The following MTFR1 variants were observed in gnomAD, a reference collection of about 807,000 sequenced individuals.
MTFR1 encodes chondrocyte protein with a poly-proline region.
In MTFR1, 28 loss-of-function variants were observed where a neutral mutation model predicts 38.8. The ratio of observed to expected loss-of-function variants is 0.72; its 90% CI spans 0.53 to 0.99. The LOEUF (loss-of-function observed/expected upper bound fraction) is 0.99, where lower values mean the gene tolerates loss of function less well. Among genes scored for constraint, MTFR1 ranks in the 50% least tolerant of loss-of-function variants. The pLI is 0.00. For missense variants in MTFR1, 358 were observed against 395.5 expected, an observed-to-expected ratio of 0.91 and a Z score of 0.81; for synonymous variants, 145 against 137.0, an observed-to-expected ratio of 1.06 and a Z score of -0.41.
At chr8:65,769,953 C>T (rs947010607) in intron 3 of MTFR1, among the ~76,000 whole-genome samples, 9 of 151,752 alleles carry the variant, frequency 5.9e-5, no homozygotes, top group Non-Finnish European at 1.3e-4. Flanking sequence ...AGTATAAACC[C>T]GTGATTTTTA....
chr8:65,661,289 TG>T (rs1252395719), intron 1 of MTFR1, among the ~76,000 whole-genome samples: 8 of 152,242 alleles, frequency 5.3e-5, no homozygotes, highest in African/African-American at 1.7e-4. Flanking sequence ...ATATTGATAG[TG>T]GGAAGACTGC....
In MTFR1 at chr8:65,692,966, G is replaced by C. The variant is rs181778281; in HGVS notation, c.166-678G>C. Among the ~76,000 whole-genome samples the C allele has an allele frequency of 2.3e-4, 34 of 148,474 alleles. No homozygotes were observed. The East Asian group carries it at 6.7e-3, about 29-fold the overall frequency. ...GCTGGAGTATAGTGGCACGATCTCG[G>C]CTCACCGCAACCTCCACTTCCCGGT... On this transcript the variant is annotated intron_variant, in intron 3 of 7. Transcript: ENST00000262146.
At chr8:65,672,371 A>G (rs1231683042) in intron 2 of MTFR1, among the ~76,000 whole-genome samples, 4 of 152,238 alleles carry the variant, frequency 2.6e-5, no homozygotes, top group African/African-American at 7.2e-5. Flanking sequence ...GGCACCAGAA[A>G]ATAAAAGAAG....
At chr8:65,692,600 A>G (rs1563451508) in intron 3 of MTFR1, among the ~76,000 whole-genome samples, 1 of 150,380 alleles carries the variant, frequency 6.6e-6, no homozygotes, top group East Asian at 1.9e-4. Context: ...TTGGCCTCCC[A>G]AAGTACTGGG....
the MTFR1 span, among the ~76,000 whole-genome samples, chr8:65,777,077 CTTTTTTTT>C: frequency 1.1e-5 from 1 of 90,456 alleles, no homozygotes; most frequent in South Asian, 3.5e-4. Context: ...TTATCAAATG[CTTTTTTTT>C]TTTTTTTTTT....
chr8:65,762,100 T>G (rs995752295), intron 3 of MTFR1, among the ~76,000 whole-genome samples: 1 of 152,172 alleles, frequency 6.6e-6, no homozygotes, highest in African/African-American at 2.4e-5. Context: ...CCTTGGAGAT[T>G]ATTGTTTAAA....
At chr8:65,701,032 G>A (rs62507636) in intron 4 of MTFR1, among the ~76,000 whole-genome samples, 3,754 of 152,248 alleles carry the variant, frequency 0.025, 66 homozygotes, top group Middle Eastern at 0.044. Flanking sequence ...GAATGCCTAC[G>A]TGACTATTCC....
chr8:65,710,990 T>G (rs200075755), downstream of MTFR1, among the ~76,000 whole-genome samples: 11,397 of 150,772 alleles, frequency 0.076, 630 homozygotes, highest in East Asian at 0.25. Flanking sequence ...TATATATATA[T>G]AGAGAGAGAG....
intron 1 of MTFR1, among the ~76,000 whole-genome samples, chr8:65,660,842 GAATA>G (rs1354327437): frequency 2.6e-5 from 4 of 152,148 alleles, no homozygotes; most frequent in African/African-American, 4.8e-5. Flanking sequence ...GTAGGGGAAG[GAATA>G]AATAAACTGT....
At chr8:65,683,377 G>A (rs1319404518) in intron 3 of MTFR1, among the ~76,000 whole-genome samples, 2 of 152,052 alleles carry the variant, frequency 1.3e-5, no homozygotes, top group African/African-American at 4.8e-5. Flanking sequence ...TGATCTGCCT[G>A]TTTCGGCCTT....
At chr8:65,662,026 T>TCTCTCC (rs1809432314) in intron 1 of MTFR1, among the ~76,000 whole-genome samples, 1 of 117,132 alleles carries the variant, frequency 8.5e-6, no homozygotes, top group Non-Finnish European at 1.7e-5. Flanking sequence ...TCTCCCTCTC[T>TCTCTCC]CTCTCCCTCT....
chr8:65,740,181 A>C (rs1300387570), intron 3 of MTFR1, among the ~76,000 whole-genome samples: 2 of 112,078 alleles, frequency 1.8e-5, no homozygotes, highest in Admixed American at 9.7e-5. Context: ...GGGGGTGGGG[A>C]GGGGGAATCA....
intron 3 of MTFR1, among the ~76,000 whole-genome samples, chr8:65,688,942 C>T (rs1049094383): frequency 4.6e-5 from 7 of 151,688 alleles, no homozygotes; most frequent in Non-Finnish European, 1.0e-4. Flanking sequence ...GTCAGGAGTT[C>T]AAGACCACCC....
chr8:65,753,981 A>G (rs761892818), intron 3 of MTFR1, among the ~76,000 whole-genome samples: 5 of 152,058 alleles, frequency 3.3e-5, no homozygotes, highest in Non-Finnish European at 7.3e-5. Context: ...ATGTTATATT[A>G]GGGTTCTCTA....
At chr8:65,739,542 C>G (rs1387327261) in intron 3 of MTFR1, 1 of 1,567,740 alleles carries the variant, frequency 6.4e-7, no homozygotes, top group Non-Finnish European at 8.6e-7. Flanking sequence ...AATGGAAGTA[C>G]TCAATTAATC....
intron 1 of MTFR1, among the ~76,000 whole-genome samples, chr8:65,654,236 T>C (rs1386765569): frequency 1.3e-5 from 2 of 152,174 alleles, no homozygotes; most frequent in African/African-American, 4.8e-5. Context: ...TTCAGATCTT[T>C]CCTCTATTTC....
intron 1 of MTFR1, among the ~76,000 whole-genome samples, chr8:65,654,469 CTT>C (rs1360385353): frequency 1.3e-5 from 2 of 152,074 alleles, no homozygotes; most frequent in African/African-American, 4.8e-5. Context: ...TGGATTTTCT[CTT>C]TCACAGTAAT....
At chr8:65,664,688 C>G (rs553566422) in intron 1 of MTFR1, among the ~76,000 whole-genome samples, 82 of 151,222 alleles carry the variant, frequency 5.4e-4, no homozygotes, top group African/African-American at 1.9e-3. Flanking sequence ...CTTTTGCCTC[C>G]CGCGTTCAAG....
chr8:65,771,230 T>C (rs1006459712), exon 4 of MTFR1: 1 of 157,150 alleles, frequency 6.4e-6, no homozygotes, highest in African/African-American at 2.4e-5. Context: ...ACGTTGCTTA[T>C]AATAAACTGT....
Sources: allele counts gnomAD v4.1 joint callset (sites outside exome capture counted in the v4.1 genomes callset), GRCh38; gene constraint gnomAD v4.1.1; transcripts MANE v1.5; gene names NCBI Gene and HGNC (gene_info 2026-07-23, HGNC 2026-07-21).